Variants in CSMD1 observed in about 807,000 individuals in gnomAD.
The protein encoded by CSMD1 is CUB and sushi domain-containing protein 1.
A neutral mutation model predicts 417.5 loss-of-function variants in CSMD1; 213 were observed. That is an observed-to-expected ratio of 0.51 (90% confidence interval 0.46 to 0.57). CSMD1 has a LOEUF of 0.57. Ranked by LOEUF, CSMD1 falls within the 20% of genes least tolerant of loss-of-function variation. CSMD1 has a pLI of 0.00. For synonymous variants in CSMD1, 2,862 were observed against 1,736.8 expected (o/e 1.65, Z -16.11); for missense variants, 6,923 against 4,529.7 (o/e 1.53, Z -15.17).
intron 5 of CSMD1, among the ~76,000 whole-genome samples, chr8:3,967,678 C>G (rs945794637): frequency 3.3e-5 from 5 of 151,978 alleles, no homozygotes; most frequent in African/African-American, 9.7e-5. Context: ...TCAATACGTG[C>G]TGGGGTGAGC....
rs57398278 is a variant in CSMD1 at position 4,484,980 on chromosome 8, C to CAAAAAAAAAAAAAAAA, written c.303-64931_303-64916dup. Among the ~76,000 whole-genome samples, 40 of 53,942 alleles carry CAAAAAAAAAAAAAAAA rather than the reference C, an allele frequency of 7.4e-4. 1 individual carries two copies. Among genetic ancestry groups the CAAAAAAAAAAAAAAAA allele is most frequent in the South Asian group, 1.1e-3 (1 of 932 alleles). The allele number at this position is 53,942 out of a possible 152,430, so 35.4% of individuals were successfully genotyped here. A position where few individuals can be genotyped will look rare whatever the true frequency, so the allele number is the denominator to read the frequency against. On this transcript the variant is annotated intron_variant, in intron 2 of 69. Coordinates refer to ENST00000635120, the MANE Select transcript of CSMD1 (RefSeq NM_033225.6). Reference sequence around the variant, plus strand: ...TGGTTGACAGAGTGAGACTCTGCCTCAAAAAAAAAAAAAAAAAAAAAAAAA... The same window carrying CAAAAAAAAAAAAAAAA: ...TGGTTGACAGAGTGAGACTCTGCCTCAAAAAAAAAAAAAAAAAAAAAAAAAAAAAAAAAAAAAAAAA...
intron 10 of CSMD1, among the ~76,000 whole-genome samples, chr8:3,531,401 T>C (rs1435651744): frequency 1.3e-5 from 2 of 152,160 alleles, no homozygotes; most frequent in African/African-American, 4.8e-5. Flanking sequence ...TCTGGAATTA[T>C]AAAACACAAT....
At chr8:4,984,069 C>T (rs1279746714) in intron 1 of CSMD1, among the ~76,000 whole-genome samples, 1 of 152,152 alleles carries the variant, frequency 6.6e-6, no homozygotes, top group African/African-American at 2.4e-5. Context: ...CTGTACCCTA[C>T]AGAGAAAAGC....
intron 5 of CSMD1, among the ~76,000 whole-genome samples, chr8:3,764,739 CT>C (rs66603480): frequency 0.3 from 39,028 of 129,338 alleles, 3,281 homozygotes; most frequent in Non-Finnish European, 0.32. Context: ...TTTTCTCTTT[CT>C]TTTTTTTTTT....
chr8:3,833,114 T>G (rs749049643), intron 5 of CSMD1, among the ~76,000 whole-genome samples: 5 of 152,164 alleles, frequency 3.3e-5, no homozygotes, highest in Admixed American at 1.3e-4. Context: ...AACTTCCCAC[T>G]ACAGGGAGCA....
At position 3,089,148 on chromosome 8, in the gene CSMD1, G is replaced by A. The variant is rs1814748653; in HGVS notation, c.7286-1863C>T. Among the ~76,000 whole-genome samples the A allele has an allele frequency of 1.3e-5, 2 of 152,196 alleles. 1 individual carries two copies. Among genetic ancestry groups the A allele is most frequent in the Admixed American group, 1.3e-4 (2 of 15,284 alleles). On this transcript the variant is annotated intron_variant, in intron 48 of 69. Coordinates refer to ENST00000635120, the MANE Select transcript of CSMD1 (RefSeq NM_033225.6). ...CCCTGCCAGCCCAACTCCTGCTGCA[G>A]GAAGAGGAATTCAGAGGAGCAGGGC... is the stretch of plus-strand genomic sequence containing the variant.
chr8:4,909,206 G>T (rs954738725), intron 1 of CSMD1, among the ~76,000 whole-genome samples: 7 of 152,168 alleles, frequency 4.6e-5, no homozygotes, highest in African/African-American at 1.7e-4. Context: ...GAGGCCTGTT[G>T]CTGTGGTAGT....
At chr8:4,656,904 T>G (rs184758145) in intron 1 of CSMD1, among the ~76,000 whole-genome samples, 2 of 151,906 alleles carry the variant, frequency 1.3e-5, no homozygotes, top group African/African-American at 4.8e-5. Context: ...TCCTAATCCA[T>G]CTGGGGGCGG....
intron 9 of CSMD1, among the ~76,000 whole-genome samples, chr8:3,575,636 A>C (rs1247588614): frequency 6.6e-6 from 1 of 152,198 alleles, no homozygotes; most frequent in African/African-American, 2.4e-5. Context: ...AATAAACTAT[A>C]CCAATTTCTT....
chr8:3,081,062 T>A (rs911611913), intron 49 of CSMD1, among the ~76,000 whole-genome samples: 1 of 152,246 alleles, frequency 6.6e-6, no homozygotes, highest in African/African-American at 2.4e-5. Context: ...TTAAAATGTT[T>A]ACCAAATGGC....
rs147693199 is a variant in CSMD1, at chr8:3,320,139, G to A, written c.3632-11636C>T. On this transcript the variant is annotated intron_variant, in intron 23 of 69. Coordinates refer to ENST00000635120, the MANE Select transcript of CSMD1 (RefSeq NM_033225.6). Reference sequence around the variant, plus strand: ...CAATTCATCAGGCAGGTTTGTCTGTGCTGTCCCATATAATCCTGAAAATCA... The same window carrying A: ...CAATTCATCAGGCAGGTTTGTCTGTACTGTCCCATATAATCCTGAAAATCA... Among the ~76,000 whole-genome samples, 4 of 152,300 alleles carry A rather than the reference G, an allele frequency of 2.6e-5. No homozygotes were observed. The East Asian group carries it at 5.8e-4, about 22-fold the overall frequency.
At position 4,721,277 on chromosome 8, in the gene CSMD1, A is replaced by G. The variant is rs1373557939; in HGVS notation, c.86-83719T>C. Among the ~76,000 whole-genome samples the G allele has an allele frequency of 2.6e-5, 4 of 152,312 alleles. No homozygotes were observed. The Middle Eastern group carries it at 0.014, about 518-fold the overall frequency. The stretch of plus-strand genomic sequence containing the variant: ...TCATGCCTAGTATCATGTTTAACAT[A>G]TAGAAAGAAGAAATAAATACATGTG... On this transcript the variant is annotated intron_variant, in intron 1 of 69. Coordinates refer to ENST00000635120, the MANE Select transcript of CSMD1 (RefSeq NM_033225.6).
At chr8:3,016,880 A>T (rs1283824696) in intron 52 of CSMD1, among the ~76,000 whole-genome samples, 1 of 152,276 alleles carries the variant, frequency 6.6e-6, no homozygotes, top group Admixed American at 6.5e-5. Context: ...ACTATTCAAC[A>T]TTTATCTCAT....
chr8:3,174,830 T>C (rs1181383066), intron 37 of CSMD1, among the ~76,000 whole-genome samples: 1 of 152,170 alleles, frequency 6.6e-6, no homozygotes. Context: ...TACACACTTT[T>C]TTTATGTTGC....
chr8:4,886,576 G>A (rs955531244), intron 1 of CSMD1, among the ~76,000 whole-genome samples: 10 of 151,760 alleles, frequency 6.6e-5, no homozygotes, highest in Non-Finnish European at 1.3e-4. Context: ...ATTTACATTA[G>A]GTCTTCTTTA....
chr8:4,911,564 C>A (rs966832107), intron 1 of CSMD1, among the ~76,000 whole-genome samples: 9 of 152,186 alleles, frequency 5.9e-5, no homozygotes, highest in Non-Finnish European at 1.2e-4. Flanking sequence ...CTAATACCTG[C>A]CCTCTACCTG....
At chr8:4,648,511 G>A (rs1281313429) in intron 1 of CSMD1, among the ~76,000 whole-genome samples, 1 of 152,066 alleles carries the variant, frequency 6.6e-6, no homozygotes, top group Non-Finnish European at 1.5e-5. Flanking sequence ...ACACATGCCT[G>A]CTTTCTCCCT....
intron 1 of CSMD1, among the ~76,000 whole-genome samples, chr8:4,941,535 G>T (rs1408670524): frequency 1.3e-5 from 2 of 151,960 alleles, no homozygotes; most frequent in Non-Finnish European, 1.5e-5. Flanking sequence ...TGTTTCTTCT[G>T]CAGTCTTTGT....
intron 11 of CSMD1, among the ~76,000 whole-genome samples, chr8:3,479,683 C>T (rs1024848039): frequency 6.6e-6 from 1 of 152,012 alleles, no homozygotes; most frequent in Non-Finnish European, 1.5e-5. Context: ...CCTAGCAATA[C>T]CTAACATGAC....
Sources: gnomAD v4.1 joint callset for allele counts (sites outside exome capture counted in the v4.1 genomes callset) on GRCh38, gnomAD v4.1.1 for gene constraint, MANE v1.5 for transcripts, NCBI Gene and HGNC (gene_info 2026-07-23, HGNC 2026-07-21) for gene names.